The following RELT variants were observed in gnomAD, a reference collection of about 807,000 sequenced individuals.
RELT encodes RELT TNF receptor.
In RELT, 37 loss-of-function variants were observed where a neutral mutation model predicts 51.1. That is an observed-to-expected ratio of 0.72 (90% CI 0.56 to 0.95). The LOEUF is 0.95. Ranked by LOEUF, RELT falls within the 40% of genes least tolerant of loss-of-function variation. RELT has a pLI of 0.00. For missense variants in RELT, 535 were observed against 572.6 expected (o/e 0.93, Z 0.67); for synonymous variants, 241 against 235.7 (o/e 1.02, Z -0.21).
chr11:73,397,195 G>A lies in RELT; in HGVS notation c.*1704G>A, dbSNP rs1020293048. On this transcript the variant is annotated 3_prime_UTR_variant, in exon 11 of 11. Transcript: ENST00000064780. ...GAGGAAGATGTGCGGGCCAGGGAAT[G>A]TGTTCCACAGAGAGGGACAGCATGT... 7 of 152,386 alleles carry A rather than the reference G, an allele frequency of 4.6e-5. No homozygotes were observed. Among genetic ancestry groups the A allele is most frequent in the African/African-American group, 1.4e-4 (6 of 41,474 alleles). 9.4% of individuals were successfully genotyped at this position (152,386 alleles called of 1,614,324 possible). A position where few individuals can be genotyped will look rare whatever the true frequency, so the allele number is the denominator to read the frequency against.
intron 4 of RELT, 21 bp downstream of exon 4, chr11:73,390,942 G>A (rs1462640653): frequency 6.2e-7 from 1 of 1,606,948 alleles, no homozygotes. Flanking sequence ...GGGAGTGCGG[G>A]GAGGGCTCCT....
chr11:73,392,472 A>T lies in RELT; in HGVS notation c.625+4A>T. 6.2e-7 allele frequency: 1 copy of T among 1,610,424 alleles called. No homozygotes were observed. Among genetic ancestry groups the T allele is most frequent in the Non-Finnish European group, 8.5e-7 (1 of 1,179,450 alleles). ...GGCCCTGGAGGTGGAGGCAGTGGTG[A>T]GGCCCAGCTGGGGTCCAGGTGGGAA... On this transcript the variant is annotated splice_donor_region_variant and intron_variant, in intron 6 of 10. Coordinates refer to ENST00000064780, the MANE Select transcript of RELT (RefSeq NM_152222.2).
Position 73,390,607 on chromosome 11 carries a change from T to A in RELT, c.102T>A (p.Pro34=). The change falls in exon 3 of 11, where the codon CCT becomes CCA. Residue 34 remains proline, a synonymous_variant. Coordinates refer to ENST00000064780, the MANE Select transcript of RELT (RefSeq NM_152222.2). The part of the protein sequence containing the change: ...LTSTTLWQCP[P]GEEPDLDPGQ... ...CAACAACCCTTTGGCAGTGCCCACC[T>A]GGGGAGGAGCCCGACCTGGTGAGCA... 4 of 1,613,876 alleles carry A rather than the reference T, an allele frequency of 2.5e-6. No homozygotes were observed. The highest frequency in any genetic ancestry group is 3.4e-6 in the Non-Finnish European group (4 of 1,179,966).
chr11:73,395,555 A>T lies in RELT; in HGVS notation c.*64A>T, dbSNP rs1362001054. On this transcript the variant is annotated 3_prime_UTR_variant, in exon 11 of 11. Coordinates refer to ENST00000064780, the MANE Select transcript of RELT (RefSeq NM_152222.2). ...GGAGGTTCCGAAGGCTTCCTGGAGGAGGTGGAGCTGCAGCTGGGACTGTGA... is the reference window on the plus strand; with the variant it reads ...GGAGGTTCCGAAGGCTTCCTGGAGGTGGTGGAGCTGCAGCTGGGACTGTGA... 2 of 779,474 alleles carry T rather than the reference A, an allele frequency of 2.6e-6. No individual in the cohort carries two copies. Among genetic ancestry groups the T allele is most frequent in the Admixed American group, 3.4e-5 (2 of 58,962 alleles). The allele number at this position is 779,474 out of a possible 1,614,324, so 48.3% of individuals were successfully genotyped here. A position where few individuals can be genotyped will look rare whatever the true frequency, so the allele number is the denominator to read the frequency against.
In RELT at chr11:73,394,160, G is replaced by T. The variant is rs1866266716; in HGVS notation, c.707-76G>T. 1.0e-5 allele frequency: 14 copies of T among 1,339,788 alleles called. No homozygotes were observed. The highest frequency in any genetic ancestry group is 1.5e-5 in the Non-Finnish European group (14 of 958,520). The allele number at this position is 1,339,788 out of a possible 1,614,324, so 83.0% of individuals were successfully genotyped here. ...GTGGTGGTATGGAGGGTAGGTGGGG[G>T]GTTCTCTGCTGGGGCAGGGGGTGGG... On this transcript the variant is annotated intron_variant, in intron 7 of 10. Coordinates refer to ENST00000064780, the MANE Select transcript of RELT (RefSeq NM_152222.2). This position sits in a 1 kb window ranked among gnomAD's most constrained non-coding sequence, Gnocchi z 4.9.
chr11:73,395,318 C>T (rs1396516941), intron 10 of RELT, 33 bp downstream of exon 10: 2 of 1,610,062 alleles, frequency 1.2e-6, no homozygotes. Context: ...TCTGTTGGCA[C>T]CTGGGCCAAC....
chr11:73,390,405 G>A lies in RELT; in HGVS notation c.46-146G>A, dbSNP rs544096910. 14 of 698,846 alleles carry A rather than the reference G, an allele frequency of 2.0e-5. 1 individual carries two copies. The highest frequency in any genetic ancestry group is 1.3e-4 in the South Asian group (8 of 60,486). 43.3% of individuals were successfully genotyped at this position (698,846 alleles called of 1,614,324 possible). A position where few individuals can be genotyped will look rare whatever the true frequency, so the allele number is the denominator to read the frequency against. ...GGTTTTCCTCAGTGTGAGGGATTGA[G>A]GTTAGAAGAGTGTGTCCCTGAAGCC... On this transcript the variant is annotated intron_variant, in intron 2 of 10. Transcript: ENST00000064780.
Position 73,388,778 on chromosome 11 carries a change from C to T in RELT, c.-25-334C>T, listed in dbSNP as rs1012290120. On this transcript the variant is annotated intron_variant, in intron 1 of 10. Transcript: ENST00000064780. The surrounding 1 kb of genome is among the most constrained non-coding windows in gnomAD (Gnocchi z 4.1). ...CTGTCATCACGGACACAGGCCGCCA[C>T]ACGCGCTTCCTTCCCCTGCTGATGC... is the stretch of plus-strand genomic sequence containing the variant. Among the ~76,000 whole-genome samples the T allele has an allele frequency of 1.3e-5, 2 of 152,066 alleles. No individual in the cohort carries two copies. The highest frequency in any genetic ancestry group is 2.9e-5 in the Non-Finnish European group (2 of 68,024).
chr11:73,395,598 C>A lies in RELT; in HGVS notation c.*107C>A. 2.6e-6 allele frequency: 2 copies of A among 763,086 alleles called. No individual in the cohort carries two copies. Among genetic ancestry groups the A allele is most frequent in the South Asian group, 1.4e-5 (1 of 72,836 alleles). The allele number at this position is 763,086 out of a possible 1,614,324, so 47.3% of individuals were successfully genotyped here. On this transcript the variant is annotated 3_prime_UTR_variant, in exon 11 of 11. Transcript: ENST00000064780. ...GACTGTGAGGACCGAGAAGCAATGGCCCAGCAGACGAGACAGCAAAGACCA... is the reference window on the plus strand; with the variant it reads ...GACTGTGAGGACCGAGAAGCAATGGACCAGCAGACGAGACAGCAAAGACCA...
At chr11:73,391,747 C>G (rs1359041884) in intron 5 of RELT, among the ~76,000 whole-genome samples, 3 of 152,158 alleles carry the variant, frequency 2.0e-5, no homozygotes, top group Non-Finnish European at 4.4e-5. Flanking sequence ...CCACTGCACT[C>G]CAGCCTGGGC....
intron 1 of RELT, 96 bp downstream of exon 1, chr11:73,376,595 C>T (rs1865969575): frequency 6.6e-6 from 1 of 151,896 alleles, no homozygotes; most frequent in Non-Finnish European, 1.5e-5. Context: ...CTCCCCGTGT[C>T]TCTGAGGAAG....
rs1002551669 is a variant in RELT, at chr11:73,394,155, T to TG, written c.707-75dup. The TG allele has an allele frequency of 3.1e-6, 4 of 1,276,084 alleles. No individual in the cohort carries two copies. The highest frequency in any genetic ancestry group is 3.3e-6 in the Non-Finnish European group (3 of 906,122). 79.0% of individuals were successfully genotyped at this position (1,276,084 alleles called of 1,614,324 possible). ...TGGGAGTGGTGGTATGGAGGGTAGG[T>TG]GGGGGGTTCTCTGCTGGGGCAGGGG... On this transcript the variant is annotated intron_variant, in intron 7 of 10. Transcript: ENST00000064780. The surrounding 1 kb of genome is among the most constrained non-coding windows in gnomAD (Gnocchi z 4.9).
At chr11:73,391,334 T>A in intron 5 of RELT, 111 bp downstream of exon 5, 2 of 985,500 alleles carry the variant, frequency 2.0e-6, no homozygotes, top group Non-Finnish European at 3.0e-6. Flanking sequence ...GGGGTCCTTC[T>A]TCCAGCCCAG....
At chr11:73,382,493 G>C (rs913085501) in intron 1 of RELT, among the ~76,000 whole-genome samples, 1 of 152,228 alleles carries the variant, frequency 6.6e-6, no homozygotes. Flanking sequence ...ACCCGTTGCT[G>C]TCCTGTCTCA....
intron 6 of RELT, chr11:73,393,418 T>C: frequency 8.5e-7 from 1 of 1,174,668 alleles, no homozygotes; most frequent in Non-Finnish European, 1.1e-6. Context: ...AGTTAAATTG[T>C]TACATAGGGC....
chr11:73,382,222 G>C (rs1866060951), intron 1 of RELT, among the ~76,000 whole-genome samples: 1 of 152,152 alleles, frequency 6.6e-6, no homozygotes, highest in African/African-American at 2.4e-5. Context: ...GGATGGCCCT[G>C]GGGGCGCCTC....
In RELT at chr11:73,394,860, C is replaced by T; in HGVS notation, c.1046+126C>T. The stretch of plus-strand genomic sequence containing the variant: ...CAATGGGAGCCCTGCCCTTATTGGG[C>T]CTCTCTGGGCAGTGGAGGCGGCCAG... On this transcript the variant is annotated intron_variant, in intron 9 of 10. Coordinates refer to ENST00000064780, the MANE Select transcript of RELT (RefSeq NM_152222.2). This position sits in a 1 kb window ranked among gnomAD's most constrained non-coding sequence, Gnocchi z 4.9. 2 of 1,194,126 alleles carry T rather than the reference C, an allele frequency of 1.7e-6. No individual in the cohort carries two copies. Among genetic ancestry groups the T allele is most frequent in the Non-Finnish European group, 2.3e-6 (2 of 864,248 alleles). The allele number at this position is 1,194,126 out of a possible 1,614,324, so 74.0% of individuals were successfully genotyped here.
rs576984574 is a variant in RELT at position 73,393,614 on chromosome 11, G to A, written c.626-223G>A. 1.1e-4 allele frequency: 159 copies of A among 1,501,064 alleles called. No homozygotes were observed. The African/African-American group carries it at 1.1e-3, about 11-fold the overall frequency. The allele number at this position is 1,501,064 out of a possible 1,614,324, so 93.0% of individuals were successfully genotyped here. A position where few individuals can be genotyped will look rare whatever the true frequency, so the allele number is the denominator to read the frequency against. On this transcript the variant is annotated intron_variant, in intron 6 of 10. Transcript: ENST00000064780. ...GTGGCCCTGAAGCCTCTATGCACCC[G>A]GGCTGTTGGGTGCAGGAAGCACTGG...
At chr11:73,390,206 G>C (rs566081814) in intron 2 of RELT, among the ~76,000 whole-genome samples, 88 of 152,234 alleles carry the variant, frequency 5.8e-4, no homozygotes, top group African/African-American at 2.0e-3. Flanking sequence ...AGGAGGAAGT[G>C]GGGGCAGAAT....
Sources: gnomAD v4.1 joint callset for allele counts (sites outside exome capture counted in the v4.1 genomes callset) on GRCh38, gnomAD v4.1.1 for gene constraint, Gnocchi (gnomAD v3.1) non-coding constraint, MANE v1.5 for transcripts, NCBI Gene and HGNC (gene_info 2026-07-23, HGNC 2026-07-21) for gene names.